Variants in CARHSP1 observed in about 807,000 individuals in gnomAD.
CARHSP1 encodes calcium regulated heat stable protein 1.
In CARHSP1, 14 loss-of-function variants were observed where a neutral mutation model predicts 12.5. The observed-to-expected ratio is 1.12, with a 90% CI of 0.74 to 1.75. The LOEUF is 1.75. Ranked by LOEUF, CARHSP1 falls within the 40% of genes most tolerant of loss-of-function variation. The pLI is 0.00. For missense variants in CARHSP1, 343 were observed against 201.6 expected (o/e 1.70, Z -4.25); for synonymous variants, 161 against 82.0 (o/e 1.96, Z -5.20).
intron 1 of CARHSP1, among the ~76,000 whole-genome samples, chr16:8,864,190 G>A (rs1456709577): frequency 2.0e-5 from 3 of 152,210 alleles, no homozygotes; most frequent in African/African-American, 7.2e-5. Context: ...ATATACGCAT[G>A]TGTACACATA....
Position 8,854,319 on chromosome 16 carries a change from A to G in CARHSP1, c.*845T>C, listed in dbSNP as rs1403326219. 6.6e-6 allele frequency: 1 copy of G among 152,178 alleles called. No homozygotes were observed. Among genetic ancestry groups the G allele is most frequent in the Non-Finnish European group, 1.5e-5 (1 of 68,038 alleles). The allele number at this position is 152,178 out of a possible 1,614,324, so 9.4% of individuals were successfully genotyped here. Reference sequence around the variant, plus strand: ...CTGGATGGATCGGGACAAAGTTTTTAAACAAAGACTGTGTCCTCTCCACAA... The same window carrying G: ...CTGGATGGATCGGGACAAAGTTTTTGAACAAAGACTGTGTCCTCTCCACAA... On this transcript the variant is annotated 3_prime_UTR_variant, in exon 4 of 4. Transcript: ENST00000311052.
chr16:8,864,512 C>G (rs146025210), intron 1 of CARHSP1, among the ~76,000 whole-genome samples: 1 of 152,212 alleles, frequency 6.6e-6, no homozygotes, highest in East Asian at 1.9e-4. Context: ...AATGGGAGAA[C>G]GGAGACACAA....
rs2061048011 is a variant in CARHSP1 at position 8,854,936 on chromosome 16, T to TG, written c.*227_*228insC. The TG allele has an allele frequency of 1.8e-5, 7 of 387,936 alleles. No homozygotes were observed. The Admixed American group carries it at 3.1e-4, about 17-fold the overall frequency. The allele number at this position is 387,936 out of a possible 1,614,324, so 24.0% of individuals were successfully genotyped here. ...TCTCCTTTTTAAATGCTTTTAATGC[T>TG]CTTCAGATGGTGAGAGGTTGTTGCA... On this transcript the variant is annotated 3_prime_UTR_variant, in exon 4 of 4. Transcript: ENST00000311052.
intron 1 of CARHSP1, among the ~76,000 whole-genome samples, chr16:8,859,564 A>G (rs1209437659): frequency 6.6e-6 from 1 of 151,500 alleles, no homozygotes; most frequent in Non-Finnish European, 1.5e-5. Context: ...AAAATGCCAC[A>G]TCCTCCCCCA....
intron 1 of CARHSP1, among the ~76,000 whole-genome samples, chr16:8,861,989 C>CTTTTTTCT (rs2061369501): frequency 1.3e-5 from 1 of 79,772 alleles, no homozygotes; most frequent in African/African-American, 4.0e-5. Context: ...GCATAGCTGA[C>CTTTTTTCT]TTTTTTTTTT....
At chr16:8,856,387 C>G (rs1000859057) in intron 3 of CARHSP1, among the ~76,000 whole-genome samples, 10 of 152,172 alleles carry the variant, frequency 6.6e-5, no homozygotes, top group Admixed American at 2.6e-4. Flanking sequence ...GATCTGGTCA[C>G]GAGGGAGCTC....
chr16:8,862,337 T>C lies in CARHSP1; in HGVS notation c.-7-3002A>G, dbSNP rs972344607. Among the ~76,000 whole-genome samples the C allele has an allele frequency of 5.3e-5, 8 of 152,084 alleles. 1 individual carries two copies. Among genetic ancestry groups the C allele is most frequent in the Non-Finnish European group, 1.5e-5 (1 of 68,010 alleles). On this transcript the variant is annotated intron_variant, in intron 1 of 3. Coordinates refer to ENST00000311052, the MANE Select transcript of CARHSP1 (RefSeq NM_014316.4). ...AAACAAAATAATACACACTAAGCAC[T>C]GGGCACACTGTCCGCCCAGGTCCAG... is the stretch of plus-strand genomic sequence containing the variant.
chr16:8,860,382 C>G (rs774823521), intron 1 of CARHSP1: 4 of 985,452 alleles, frequency 4.1e-6, no homozygotes, highest in Non-Finnish European at 4.8e-6. Context: ...CGGGAATTCC[C>G]TAGCTGCTGC....
At chr16:8,861,885 A>C in intron 1 of CARHSP1, 1 of 1,061,606 alleles carries the variant, frequency 9.4e-7, no homozygotes, top group Non-Finnish European at 1.2e-6. Flanking sequence ...CCAGGACAGC[A>C]GATGGGAGCA....
At chr16:8,863,670 C>G (rs954122974) in intron 1 of CARHSP1, among the ~76,000 whole-genome samples, 1 of 152,114 alleles carries the variant, frequency 6.6e-6, no homozygotes, top group African/African-American at 2.4e-5. Context: ...GTAGGCCTGG[C>G]CAAGGGCCAC....
chr16:8,860,115 T>G (rs2061303198), intron 1 of CARHSP1: 1 of 985,042 alleles, frequency 1.0e-6, no homozygotes, highest in African/African-American at 1.7e-5. Context: ...CCTCACGCAG[T>G]GTCCGCCTCC....
At chr16:8,860,521 A>T (rs1192286540) in intron 1 of CARHSP1, 2 of 985,312 alleles carry the variant, frequency 2.0e-6, no homozygotes, top group African/African-American at 3.5e-5. Context: ...ACAGTCCAGC[A>T]GTCAGAGGCC....
At chr16:8,860,856 G>T (rs527871724) in intron 1 of CARHSP1, among the ~76,000 whole-genome samples, 6 of 151,858 alleles carry the variant, frequency 4.0e-5, no homozygotes, top group African/African-American at 1.5e-4. Context: ...TTGGAGACCA[G>T]CCTGGCCAAC....
intron 1 of CARHSP1, chr16:8,866,386 G>A: frequency 1.0e-6 from 1 of 960,684 alleles, no homozygotes; most frequent in South Asian, 4.8e-5. Flanking sequence ...ATGGCGCAGG[G>A]ATCGGGGTGA....
Position 8,854,779 on chromosome 16 carries a change from G to A in CARHSP1, c.*385C>T, listed in dbSNP as rs1014057156. ...GCCAGGGGGCCAGATCTGGGAATCTGGGGCCTCCAGCTCCAGGAGGAAGAG... is the reference window on the plus strand; with the variant it reads ...GCCAGGGGGCCAGATCTGGGAATCTAGGGCCTCCAGCTCCAGGAGGAAGAG... On this transcript the variant is annotated 3_prime_UTR_variant, in exon 4 of 4. Transcript: ENST00000311052. 6.1e-6 allele frequency: 1 copy of A among 163,036 alleles called. No individual in the cohort carries two copies. The highest frequency in any genetic ancestry group is 1.3e-5 in the Non-Finnish European group (1 of 75,296). 10.1% of individuals were successfully genotyped at this position (163,036 alleles called of 1,614,324 possible).
chr16:8,865,045 G>C (rs1387886674), intron 1 of CARHSP1, among the ~76,000 whole-genome samples: 2 of 152,202 alleles, frequency 1.3e-5, no homozygotes, highest in Admixed American at 1.3e-4. Context: ...ACTGCAAGGA[G>C]GGCTTTAGCA....
chr16:8,860,501 G>A (rs537777040), intron 1 of CARHSP1: 1 of 985,424 alleles, frequency 1.0e-6, no homozygotes, highest in Middle Eastern at 5.2e-4. Context: ...GAGGTTCAGG[G>A]GAAAGAGAAA....
intron 1 of CARHSP1, 117 bp downstream of exon 1, chr16:8,868,849 A>T (rs1370592604): frequency 6.6e-6 from 1 of 151,822 alleles, no homozygotes; most frequent in Non-Finnish European, 1.5e-5. Context: ...GCCGAGCTAG[A>T]AGACCCTGCA....
chr16:8,855,088 G>T lies in CARHSP1; in HGVS notation c.*76C>A. ...GAAGCCCCGTCTCGTGTGGAAGAAT[G>T]TCATCTCCAGTGTCTGCTGCCTCCT... is the stretch of plus-strand genomic sequence containing the variant. On this transcript the variant is annotated 3_prime_UTR_variant, in exon 4 of 4. Transcript: ENST00000311052. 7.9e-7 allele frequency: 1 copy of T among 1,271,396 alleles called. No homozygotes were observed. The highest frequency in any genetic ancestry group is 1.0e-6 in the Non-Finnish European group (1 of 953,408). The allele number at this position is 1,271,396 out of a possible 1,614,324, so 78.8% of individuals were successfully genotyped here. A position where few individuals can be genotyped will look rare whatever the true frequency, so the allele number is the denominator to read the frequency against.
Sources: allele counts gnomAD v4.1 joint callset (sites outside exome capture counted in the v4.1 genomes callset), GRCh38; gene constraint gnomAD v4.1.1; transcripts MANE v1.5; gene names NCBI Gene and HGNC (gene_info 2026-07-23, HGNC 2026-07-21).